Variants in DIXDC1 observed in about 807,000 individuals in gnomAD.
DIXDC1 encodes the protein dixin.
Under a neutral mutation model 103.1 loss-of-function variants are expected in DIXDC1, and 64 were observed. That is an observed-to-expected ratio of 0.62 (90% CI 0.51 to 0.76). The LOEUF (loss-of-function observed/expected upper bound fraction) is 0.76, where lower values mean the gene tolerates loss of function less well. DIXDC1 is among the 30% of genes least tolerant of loss of function. The probability of loss-of-function intolerance (pLI) is 0.00; values close to 1 mark genes in which losing one functional copy is unlikely to be tolerated. For synonymous variants in DIXDC1, 266 were observed against 298.5 expected (o/e 0.89, Z 1.12); for missense variants, 759 against 834.2 (o/e 0.91, Z 1.11).
chr11:111,975,437 A>C, intron 5 of DIXDC1: 1 of 1,010,148 alleles, frequency 9.9e-7, no homozygotes, highest in Non-Finnish European at 1.2e-6. Context: ...AATGTTTCCA[A>C]CTTTCCTCTA....
At chr11:111,949,847 T>C (rs782047587) in intron 1 of DIXDC1, among the ~76,000 whole-genome samples, 1 of 152,192 alleles carries the variant, frequency 6.6e-6, no homozygotes, top group Non-Finnish European at 1.5e-5. Flanking sequence ...CAGCCAGATG[T>C]CTCCTTCCCT....
At chr11:112,006,700 C>G (rs1861249627) in intron 17 of DIXDC1, among the ~76,000 whole-genome samples, 1 of 152,202 alleles carries the variant, frequency 6.6e-6, no homozygotes, top group African/African-American at 2.4e-5. Flanking sequence ...CTCCAACAGA[C>G]CTGCAGCTGA....
intron 17 of DIXDC1, among the ~76,000 whole-genome samples, chr11:112,001,759 T>C (rs1555176023): frequency 2.0e-5 from 3 of 151,250 alleles, no homozygotes; most frequent in African/African-American, 7.3e-5. Flanking sequence ...CTGAGATTTT[T>C]TTTTTTTTTT....
intron 3 of DIXDC1, among the ~76,000 whole-genome samples, chr11:111,973,096 C>T (rs1368156611): frequency 1.3e-5 from 2 of 149,380 alleles, no homozygotes; most frequent in South Asian, 2.1e-4. Flanking sequence ...GTGAGCCGGG[C>T]GCAGTGGCTC....
Position 112,017,725 on chromosome 11 carries a change from T to C in DIXDC1, c.1863-52T>C. The stretch of plus-strand genomic sequence containing the variant: ...CTGTGTTTAAAGTTAACATCTTATC[T>C]TTCCAGCTATTGATCAACAGTCTAT... On this transcript the variant is annotated intron_variant, in intron 18 of 19. Transcript: ENST00000440460. This position sits in a 1 kb window ranked among gnomAD's most constrained non-coding sequence, Gnocchi z 4.0. 1 of 1,467,088 alleles carries C rather than the reference T, an allele frequency of 6.8e-7. No individual in the cohort carries two copies. The allele number at this position is 1,467,088 out of a possible 1,614,324, so 90.9% of individuals were successfully genotyped here.
At chr11:111,948,140 C>G (rs146063951) in intron 1 of DIXDC1, among the ~76,000 whole-genome samples, 1 of 152,216 alleles carries the variant, frequency 6.6e-6, no homozygotes, top group South Asian at 2.1e-4. Flanking sequence ...ACTGTCCCCA[C>G]TGTAATGATT....
intron 7 of DIXDC1, among the ~76,000 whole-genome samples, chr11:111,982,719 G>A (rs1860357665): frequency 6.6e-6 from 1 of 152,156 alleles, no homozygotes; most frequent in Admixed American, 6.5e-5. Flanking sequence ...AAGCCCAGGA[G>A]CCATTACTGA....
At chr11:111,934,505 T>G (rs898792799), upstream of DIXDC1, among the ~76,000 whole-genome samples, 2 of 152,218 alleles carry the variant, frequency 1.3e-5, no homozygotes, top group Non-Finnish European at 2.9e-5. Context: ...GCTACCCAGA[T>G]GGCTTGCAGT....
At chr11:111,957,015 T>A (rs914788404) in intron 1 of DIXDC1, among the ~76,000 whole-genome samples, 17 of 147,974 alleles carry the variant, frequency 1.1e-4, no homozygotes, top group African/African-American at 4.0e-4. Context: ...AAAAAAATAA[T>A]AATAATAATT....
intron 1 of DIXDC1, among the ~76,000 whole-genome samples, chr11:111,942,822 C>T (rs73560062): frequency 0.043 from 6,551 of 152,198 alleles, 503 homozygotes; most frequent in African/African-American, 0.15. Context: ...TCTCAAGACC[C>T]CCAGTGGATG....
intron 1 of DIXDC1, among the ~76,000 whole-genome samples, chr11:111,956,497 A>T (rs1441124172): frequency 6.6e-6 from 1 of 151,580 alleles, no homozygotes; most frequent in African/African-American, 2.4e-5. Context: ...AATAATAATA[A>T]TTTTTTTTTA....
At chr11:111,945,678 G>A (rs1330473273) in intron 1 of DIXDC1, 1 of 152,062 alleles carries the variant, frequency 6.6e-6, no homozygotes, top group Non-Finnish European at 1.5e-5. Context: ...GTGCTGGTGT[G>A]TTCAATACTT....
intron 2 of DIXDC1, among the ~76,000 whole-genome samples, chr11:111,965,844 G>T (rs1249934562): frequency 6.6e-6 from 1 of 152,116 alleles, no homozygotes; most frequent in East Asian, 1.9e-4. Context: ...GCTTAGAGAG[G>T]CTAAGCAACT....
chr11:111,983,810 G>A (rs2137556368), intron 7 of DIXDC1, among the ~76,000 whole-genome samples: 2 of 152,306 alleles, frequency 1.3e-5, no homozygotes, highest in Middle Eastern at 6.8e-3. Context: ...ACAGCCACAT[G>A]ATCACAATGA....
upstream of DIXDC1, among the ~76,000 whole-genome samples, chr11:111,935,122 T>TATGA (rs113276538): frequency 0.043 from 6,548 of 152,286 alleles, 502 homozygotes; most frequent in African/African-American, 0.15. Context: ...TTATAATACA[T>TATGA]TTTAAAAAAT....
chr11:111,943,821 A>G (rs1164340146), intron 1 of DIXDC1, among the ~76,000 whole-genome samples: 1 of 152,102 alleles, frequency 6.6e-6, no homozygotes, highest in Non-Finnish European at 1.5e-5. Context: ...TTTTCTATTT[A>G]ATATATTCAG....
rs1414799897 is a variant in DIXDC1, at chr11:112,021,514, T to C, written c.*2478T>C. Reference sequence around the variant, plus strand: ...TCATAGTATTGTCGCCTGGTGGCATTGGTGTGGGGTAGCTTGTCCTGCTAC... The same window carrying C: ...TCATAGTATTGTCGCCTGGTGGCATCGGTGTGGGGTAGCTTGTCCTGCTAC... On this transcript the variant is annotated 3_prime_UTR_variant, in exon 20 of 20. Transcript: ENST00000440460. The C allele has an allele frequency of 6.6e-6, 1 of 152,174 alleles. No homozygotes were observed. The highest frequency in any genetic ancestry group is 1.5e-5 in the Non-Finnish European group (1 of 68,034). 9.4% of individuals were successfully genotyped at this position (152,174 alleles called of 1,614,324 possible).
chr11:111,996,281 A>G, intron 17 of DIXDC1, 135 bp downstream of exon 17: 1 of 728,912 alleles, frequency 1.4e-6, no homozygotes, highest in South Asian at 1.9e-5. Context: ...CTGTAGCAAT[A>G]CTGCAATTGA....
Position 112,017,466 on chromosome 11 carries a change from T to G in DIXDC1, c.1863-311T>G, listed in dbSNP as rs1555177881. The G allele has an allele frequency of 9.7e-6, 2 of 205,802 alleles. No homozygotes were observed. The highest frequency in any genetic ancestry group is 4.7e-5 in the African/African-American group (2 of 42,928). The allele number at this position is 205,802 out of a possible 1,614,324, so 12.7% of individuals were successfully genotyped here. On this transcript the variant is annotated intron_variant, in intron 18 of 19. Coordinates refer to ENST00000440460, the MANE Select transcript of DIXDC1 (RefSeq NM_001037954.4). This position sits in a 1 kb window ranked among gnomAD's most constrained non-coding sequence, Gnocchi z 4.0. ...GAAAATCAAGAGAACTTTGATATAT[T>G]TATGGTTATTCAACAAATTTTATTT...
Sources: allele counts gnomAD v4.1 joint callset (sites outside exome capture counted in the v4.1 genomes callset), GRCh38; gene constraint gnomAD v4.1.1; non-coding constraint Gnocchi (gnomAD v3.1); transcripts MANE v1.5; gene names NCBI Gene and HGNC (gene_info 2026-07-23, HGNC 2026-07-21).